RELB: variants seen among roughly 807,000 people sequenced by gnomAD.
RELB encodes RELB proto-oncogene, NF-kB subunit.
A neutral mutation model predicts 55.4 loss-of-function variants in RELB; 14 were observed. That is an observed-to-expected ratio of 0.25 (90% confidence interval 0.17 to 0.40). The LOEUF (loss-of-function observed/expected upper bound fraction) is 0.40. Among genes scored for constraint, RELB ranks in the 10% least tolerant of loss-of-function variants. RELB has a pLI of 1.00. For synonymous variants in RELB, 409 were observed against 371.3 expected (o/e 1.10, Z -1.17); for missense variants, 669 against 830.7 (o/e 0.81, Z 2.39).
rs748710230 is a variant in RELB at position 45,011,916 on chromosome 19, C to G, written c.164-20C>G. 2.8e-6 allele frequency: 4 copies of G among 1,445,996 alleles called. No homozygotes were observed. The South Asian group carries it at 5.6e-5, about 20-fold the overall frequency. The allele number at this position is 1,445,996 out of a possible 1,614,324, so 89.6% of individuals were successfully genotyped here. On this transcript the variant is annotated intron_variant, in intron 3 of 11. Transcript: ENST00000221452. ...TTTTTAAAGAATGGGCGTCACCACCCGTTTTTTCTTCTCCCGCAGAGATCA... is the reference window on the plus strand; with the variant it reads ...TTTTTAAAGAATGGGCGTCACCACCGGTTTTTTCTTCTCCCGCAGAGATCA...
At chr19:45,031,204 G>A (rs764334430) in intron 8 of RELB, among the ~76,000 whole-genome samples, 39 of 151,846 alleles carry the variant, frequency 2.6e-4, no homozygotes, top group Admixed American at 1.7e-3. Flanking sequence ...CTCAGTTTCC[G>A]TTTTTGTTTT....
chr19:45,026,640 A>G (rs1283169150), intron 7 of RELB, among the ~76,000 whole-genome samples: 6 of 152,182 alleles, frequency 3.9e-5, no homozygotes, highest in African/African-American at 9.6e-5. Flanking sequence ...CCAAGGGAAG[A>G]GGCAGCATAA....
intron 5 of RELB, among the ~76,000 whole-genome samples, chr19:45,024,163 A>G (rs1161285742): frequency 6.8e-6 from 1 of 147,896 alleles, no homozygotes; most frequent in Non-Finnish European, 1.5e-5. Flanking sequence ...TATTTTATTT[A>G]TTTATTTATT....
In RELB at chr19:45,015,787, C is replaced by T. The variant is rs375253305; in HGVS notation, c.504+3511C>T. Among the ~76,000 whole-genome samples the T allele has an allele frequency of 4.1e-4, 62 of 151,414 alleles. No homozygotes were observed. In the East Asian group the frequency reaches 8.7e-3, roughly 21 times the overall value. On this transcript the variant is annotated intron_variant, in intron 4 of 11. Transcript: ENST00000221452. Reference sequence around the variant, plus strand: ...TAAAGTCTAATGTTTTTTCCACAGTCCCAACTGACATCTCAAGGATGAAAA... The same window carrying T: ...TAAAGTCTAATGTTTTTTCCACAGTTCCAACTGACATCTCAAGGATGAAAA...
chr19:45,013,834 AAAAAAG>A (rs1272849229), intron 4 of RELB, among the ~76,000 whole-genome samples: 3 of 151,938 alleles, frequency 2.0e-5, no homozygotes, highest in South Asian at 4.1e-4. Context: ...CTCCTTCTAA[AAAAAAG>A]AAAAAGAAAA....
rs1208820711 is a variant in RELB at position 45,037,549 on chromosome 19, C to T, written c.1499C>T (p.Thr500Ile). The T allele has an allele frequency of 3.7e-6, 6 of 1,613,236 alleles. No individual in the cohort carries two copies. The highest frequency in any genetic ancestry group is 5.1e-6 in the Non-Finnish European group (6 of 1,179,642). ...AYDPTAPTLF[T>I]MLDLLPPAPP... ...GACCCTACGGCCCCCACACTCTTCA[C>T]CATGCTGGACCTGCTGCCCCCGGCA... is the stretch of plus-strand genomic sequence containing the variant. Residue 500 changes from threonine to isoleucine, a missense_variant, in exon 12 of 12, where the codon ACC becomes ATC. By Grantham distance (89) the Thr-to-Ile change is moderately conservative. Coordinates refer to ENST00000221452, the MANE Select transcript of RELB (RefSeq NM_006509.4).
intron 2 of RELB, among the ~76,000 whole-genome samples, chr19:45,004,952 A>G (rs967594374): frequency 7.9e-5 from 12 of 151,910 alleles, no homozygotes; most frequent in African/African-American, 2.9e-4. Context: ...GGCAGATCAC[A>G]AGGTCAGGAG....
chr19:45,029,624 C>T (rs566669452), intron 8 of RELB, among the ~76,000 whole-genome samples: 9 of 151,764 alleles, frequency 5.9e-5, no homozygotes, highest in African/African-American at 1.5e-4. Context: ...CCAAGGTGGG[C>T]GGATCACCTG....
chr19:45,019,929 G>A (rs1447526247), intron 4 of RELB, among the ~76,000 whole-genome samples: 5 of 150,624 alleles, frequency 3.3e-5, no homozygotes, highest in East Asian at 2.0e-4. Context: ...CACCCACCTC[G>A]GCCTCCTCAA....
chr19:45,031,437 T>C (rs1345531776), intron 8 of RELB, among the ~76,000 whole-genome samples: 3 of 152,168 alleles, frequency 2.0e-5, no homozygotes, highest in East Asian at 3.9e-4. Context: ...GCACCTTTTT[T>C]CTCTGCTGAC....
chr19:45,001,768 G>A, intron 1 of RELB, 83 bp downstream of exon 1: 1 of 843,332 alleles, frequency 1.2e-6, no homozygotes, highest in Non-Finnish European at 1.8e-6. Context: ...GTAGTCTGGG[G>A]GTTCCTATGG....
At chr19:45,031,314 A>G (rs979104285) in intron 8 of RELB, among the ~76,000 whole-genome samples, 5 of 151,176 alleles carry the variant, frequency 3.3e-5, no homozygotes, top group East Asian at 4.0e-4. Flanking sequence ...TTGTAGAGAC[A>G]AGGTCTTGCT....
At position 45,037,223 on chromosome 19, in the gene RELB, A is replaced by C. The variant is rs1378675313; in HGVS notation, c.1355-182A>C. On this transcript the variant is annotated intron_variant, in intron 11 of 11. Coordinates refer to ENST00000221452, the MANE Select transcript of RELB (RefSeq NM_006509.4). ...CTTGAACTGGGGAGGCAGAGGTTGCAGTGAGCCAAGAGCACGTCATTGCAC... is the reference window on the plus strand; with the variant it reads ...CTTGAACTGGGGAGGCAGAGGTTGCCGTGAGCCAAGAGCACGTCATTGCAC... 4.0e-5 allele frequency among the ~76,000 whole-genome samples: 6 copies of C among 151,338 alleles called. No homozygotes were observed. In the South Asian group the frequency reaches 1.3e-3, roughly 32 times the overall value.
chr19:45,010,818 CA>C (rs1408360728), intron 3 of RELB, among the ~76,000 whole-genome samples: 1 of 151,962 alleles, frequency 6.6e-6, no homozygotes, highest in Non-Finnish European at 1.5e-5. Flanking sequence ...GCTGGGAGTA[CA>C]GGCATGCACC....
chr19:45,025,319 A>AC lies in RELB; in HGVS notation c.663-5dup. On this transcript the variant is annotated splice_polypyrimidine_tract_variant and intron_variant, in intron 5 of 11. Coordinates refer to ENST00000221452, the MANE Select transcript of RELB (RefSeq NM_006509.4). ...CGAGCACTCCTCTCCCTCCCCCGTC[A>AC]CCCCCTCAGTTTTAACAACCTGGGC... 6.2e-7 allele frequency: 1 copy of AC among 1,602,674 alleles called. No homozygotes were observed. The highest frequency in any genetic ancestry group is 1.3e-5 in the African/African-American group (1 of 74,668).
At chr19:45,009,912 G>A (rs1162100274) in intron 3 of RELB, 90 bp downstream of exon 3, 5 of 1,256,636 alleles carry the variant, frequency 4.0e-6, no homozygotes, top group Admixed American at 3.5e-5. Flanking sequence ...AGTGGGGGTG[G>A]GGGAGAGGTG....
At chr19:45,005,167 C>T (rs1218159278) in intron 2 of RELB, among the ~76,000 whole-genome samples, 3 of 151,932 alleles carry the variant, frequency 2.0e-5, no homozygotes, top group Non-Finnish European at 2.9e-5. Context: ...CAAGAGCCTC[C>T]GTCTCAGGAA....
At chr19:45,031,312 A>T (rs962782163) in intron 8 of RELB, among the ~76,000 whole-genome samples, 21 of 150,562 alleles carry the variant, frequency 1.4e-4, no homozygotes, top group African/African-American at 5.1e-4. Context: ...TCTTGTAGAG[A>T]CAAGGTCTTG....
At chr19:45,032,431 A>T (rs559111665) in intron 8 of RELB, 103 bp from the exon 9 acceptor site, 86 of 981,322 alleles carry the variant, frequency 8.8e-5, no homozygotes, top group East Asian at 1.9e-4. Context: ...AAAAAATTTT[A>T]AAAAGGGGGA....
Sources: allele counts gnomAD v4.1 joint callset (sites outside exome capture counted in the v4.1 genomes callset), GRCh38; gene constraint gnomAD v4.1.1; transcripts MANE v1.5; gene names NCBI Gene and HGNC (gene_info 2026-07-23, HGNC 2026-07-21).